ELP4: variants seen among roughly 807,000 people sequenced by gnomAD.
ELP4 encodes elongator acetyltransferase complex subunit 4.
Under a neutral mutation model 48.9 loss-of-function variants are expected in ELP4, and 51 were observed. The ratio of observed to expected loss-of-function variants is 1.04; its 90% CI spans 0.83 to 1.32. The LOEUF (loss-of-function observed/expected upper bound fraction) is 1.32, where lower values mean the gene tolerates loss of function less well. Among genes scored for constraint, ELP4 ranks in the 40% most tolerant of loss-of-function variants. ELP4 has a pLI of 0.00. For missense variants in ELP4, 519 were observed against 514.6 expected (o/e 1.01, Z -0.08); for synonymous variants, 210 against 189.2 (o/e 1.11, Z -0.90).
intron 3 of ELP4, chr11:31,541,346 T>TA (rs1565042889): frequency 6.6e-6 from 1 of 152,226 alleles, no homozygotes; most frequent in South Asian, 2.1e-4. Context: ...ATCTCTTTTG[T>TA]AGTTGTTTAC....
chr11:31,676,158 C>T (rs1945922495), intron 9 of ELP4, among the ~76,000 whole-genome samples: 1 of 152,068 alleles, frequency 6.6e-6, no homozygotes, highest in Admixed American at 6.6e-5. Context: ...CACTGGCCTC[C>T]TTGCTTGAAC....
At position 31,632,241 on chromosome 11, in the gene ELP4, A is replaced by G. The variant is rs372784790; in HGVS notation, c.763A>G (p.Ile255Val). 1.9e-6 allele frequency: 3 copies of G among 1,601,488 alleles called. No individual in the cohort carries two copies. The highest frequency in any genetic ancestry group is 3.5e-5 in the Admixed American group (2 of 56,492). The change falls in exon 7 of 10, where the codon ATA becomes GTA. Residue 255 changes from isoleucine (I) to valine (V), a missense_variant. By Grantham distance (29) the Ile-to-Val change is conservative. Transcript: ENST00000640961. ...GAAAAAACAGAGAAACATTTTAAGA[A>G]TAGGAATTCAGAATCTTGGCTCACC... is the stretch of plus-strand genomic sequence containing the variant. ...PQKKQRNILR[I>V]GIQNLGSPLW...
At chr11:31,621,836 T>C (rs1042005759) in intron 5 of ELP4, among the ~76,000 whole-genome samples, 7 of 151,870 alleles carry the variant, frequency 4.6e-5, no homozygotes, top group African/African-American at 1.7e-4. Context: ...AGGCTTTTCA[T>C]TGAATCTAGA....
At chr11:31,585,948 G>C (rs190055219) in intron 3 of ELP4, among the ~76,000 whole-genome samples, 1 of 152,156 alleles carries the variant, frequency 6.6e-6, no homozygotes, top group African/African-American at 2.4e-5. Context: ...AGCCAGGATT[G>C]GTGGCATGTG....
intron 7 of ELP4, among the ~76,000 whole-genome samples, chr11:31,641,557 C>T (rs901315036): frequency 4.0e-5 from 6 of 151,734 alleles, no homozygotes; most frequent in South Asian, 2.1e-4. Flanking sequence ...TTTGAAAATG[C>T]GCAGACTGAA....
intron 2 of ELP4, among the ~76,000 whole-genome samples, chr11:31,526,515 A>G (rs1956297909): frequency 1.3e-5 from 2 of 151,990 alleles, no homozygotes; most frequent in African/African-American, 4.8e-5. Context: ...GAAGACATCA[A>G]ACAAGATGTC....
At chr11:31,621,287 A>G (rs1183889336) in intron 5 of ELP4, among the ~76,000 whole-genome samples, 1 of 151,942 alleles carries the variant, frequency 6.6e-6, no homozygotes, top group African/African-American at 2.4e-5. Flanking sequence ...CTTTAAATTA[A>G]TCCTAATTGG....
intron 3 of ELP4, among the ~76,000 whole-genome samples, chr11:31,544,780 G>T (rs918863962): frequency 1.3e-5 from 2 of 152,124 alleles, no homozygotes; most frequent in Non-Finnish European, 1.5e-5. Flanking sequence ...CACCTCACAC[G>T]GCCGGGTACT....
intron 9 of ELP4, chr11:31,681,662 C>T (rs1437599741): frequency 4.6e-5 from 7 of 152,550 alleles, no homozygotes; most frequent in African/African-American, 1.7e-4. Context: ...ACAGAAGATA[C>T]ATCAGTGAGG....
At chr11:31,716,876 A>C (rs993425384) in intron 9 of ELP4, among the ~76,000 whole-genome samples, 1 of 152,266 alleles carries the variant, frequency 6.6e-6, no homozygotes, top group African/African-American at 2.4e-5. Context: ...GTGCAGTAAG[A>C]ATTCAGAGAA....
At chr11:31,572,192 A>G (rs1454205936) in intron 3 of ELP4, among the ~76,000 whole-genome samples, 1 of 152,230 alleles carries the variant, frequency 6.6e-6, no homozygotes. Context: ...AACTTGCTGC[A>G]GTTTCAACTT....
At chr11:31,761,838 C>A (rs893896594) in intron 9 of ELP4, 2 of 152,214 alleles carry the variant, frequency 1.3e-5, no homozygotes, top group Non-Finnish European at 2.9e-5. Context: ...CTCCAAGTGA[C>A]TCCTACTGGC....
At chr11:31,781,391 G>A (rs967421606) in intron 9 of ELP4, among the ~76,000 whole-genome samples, 1 of 149,212 alleles carries the variant, frequency 6.7e-6, no homozygotes, top group Non-Finnish European at 1.5e-5. Flanking sequence ...GTTTCTTTCC[G>A]TCCTGCTTCC....
At chr11:31,627,505 CAA>C (rs1320858782) in intron 6 of ELP4, among the ~76,000 whole-genome samples, 2 of 151,980 alleles carry the variant, frequency 1.3e-5, no homozygotes, top group African/African-American at 4.8e-5. Context: ...TTTAAATCTG[CAA>C]GGCTTGTACT....
intron 3 of ELP4, among the ~76,000 whole-genome samples, chr11:31,589,699 T>C (rs920720866): frequency 1.5e-4 from 23 of 152,210 alleles, no homozygotes; most frequent in African/African-American, 5.3e-4. Flanking sequence ...GTATATTTTA[T>C]AGAATTTCAA....
At chr11:31,700,153 C>A (rs549615231) in intron 9 of ELP4, among the ~76,000 whole-genome samples, 27 of 151,740 alleles carry the variant, frequency 1.8e-4, no homozygotes, top group Non-Finnish European at 3.5e-4. Flanking sequence ...ATGTCTGCTG[C>A]TTGTTCTTGG....
chr11:31,610,547 C>T (rs1485139676), intron 5 of ELP4, among the ~76,000 whole-genome samples: 3 of 152,088 alleles, frequency 2.0e-5, no homozygotes, highest in Non-Finnish European at 4.4e-5. Context: ...TCTATTGTTC[C>T]CACCTTTATG....
chr11:31,697,674 G>C (rs565708808), intron 9 of ELP4, among the ~76,000 whole-genome samples: 96 of 152,142 alleles, frequency 6.3e-4, no homozygotes, highest in African/African-American at 2.0e-3. Context: ...TGTATACCAC[G>C]TAGTCAGGGT....
intron 3 of ELP4, among the ~76,000 whole-genome samples, chr11:31,555,149 C>CTA (rs1364659021): frequency 1.3e-5 from 2 of 152,034 alleles, no homozygotes; most frequent in African/African-American, 4.8e-5. Flanking sequence ...AATGATTTGA[C>CTA]TATAATGTGC....
Sources: gnomAD v4.1 joint callset for allele counts (sites outside exome capture counted in the v4.1 genomes callset) on GRCh38, gnomAD v4.1.1 for gene constraint, MANE v1.5 for transcripts, NCBI Gene and HGNC (gene_info 2026-07-23, HGNC 2026-07-21) for gene names.